The following CC2D2B variants were observed in gnomAD, a reference collection of about 807,000 sequenced individuals.
CC2D2B encodes protein CC2D2B.
CC2D2B carries 128 observed loss-of-function variants against 161.2 expected under a neutral mutation model. The observed-to-expected ratio is 0.79, with a 90% confidence interval of 0.69 to 0.92. The LOEUF (loss-of-function observed/expected upper bound fraction) is 0.92, where lower values mean the gene tolerates loss of function less well. Among genes scored for constraint, CC2D2B ranks in the 40% least tolerant of loss-of-function variants. The probability of loss-of-function intolerance (pLI) is 0.00; values close to 1 mark genes in which losing one functional copy is unlikely to be tolerated. For synonymous variants in CC2D2B, 391 were observed against 449.8 expected, an observed-to-expected ratio of 0.87 and a Z score of 1.65; for missense variants, 1,173 against 1,375.1, an observed-to-expected ratio of 0.85 and a Z score of 2.32.
At chr10:95,985,912 G>A (rs186833406) in intron 19 of CC2D2B, among the ~76,000 whole-genome samples, 158 of 152,208 alleles carry the variant, frequency 1.0e-3, no homozygotes, top group African/African-American at 3.6e-3. Flanking sequence ...CTCCCGTAGC[G>A]CTCCCAGGCT....
intron 6 of CC2D2B, among the ~76,000 whole-genome samples, chr10:95,928,111 G>A (rs542176159): frequency 1.3e-5 from 2 of 151,852 alleles, no homozygotes; most frequent in Non-Finnish European, 2.9e-5. Context: ...CCCCTGTCAA[G>A]TCCCTCTGGG....
Position 95,991,359 on chromosome 10 carries a change from A to AT in CC2D2B, c.2380-3dup, listed in dbSNP as rs936993684. The stretch of plus-strand genomic sequence containing the variant: ...CAATACATTTTTTATTAAATTCTAA[A>AT]TTTTTTTTAGGTGAGAAGGTTGATA... On this transcript the variant is annotated splice_polypyrimidine_tract_variant and intron_variant, in intron 20 of 34. Coordinates refer to ENST00000646931, the MANE Select transcript of CC2D2B (RefSeq NM_001349008.3). 36 of 925,108 alleles carry AT rather than the reference A, an allele frequency of 3.9e-5. No individual in the cohort carries two copies. Among genetic ancestry groups the AT allele is most frequent in the Non-Finnish European group, 4.5e-5 (32 of 708,208 alleles). The allele number at this position is 925,108 out of a possible 1,614,324, so 57.3% of individuals were successfully genotyped here.
intron 10 of CC2D2B, among the ~76,000 whole-genome samples, chr10:95,953,684 T>C (rs151008911): frequency 1.3e-5 from 2 of 152,322 alleles, no homozygotes; most frequent in East Asian, 3.9e-4. Flanking sequence ...GGAAAAGGCA[T>C]TACCTCATAT....
In CC2D2B at chr10:95,995,396, TATTG is replaced by T. The variant is rs1484327977; in HGVS notation, c.2739+35_2739+38del. On this transcript the variant is annotated intron_variant, in intron 23 of 34. Coordinates refer to ENST00000646931, the MANE Select transcript of CC2D2B (RefSeq NM_001349008.3). ...TATTTAACACTTCTATAAAGTATAATATTGATTATGTTTGTTCTGAATTACAATT... is the reference window on the plus strand; with the variant it reads ...TATTTAACACTTCTATAAAGTATAATATTATGTTTGTTCTGAATTACAATT... The T allele has an allele frequency of 4.7e-6, 5 of 1,064,098 alleles. No homozygotes were observed. The African/African-American group carries it at 4.9e-5, about 10-fold the overall frequency. The allele number at this position is 1,064,098 out of a possible 1,614,324, so 65.9% of individuals were successfully genotyped here. A position where few individuals can be genotyped will look rare whatever the true frequency, so the allele number is the denominator to read the frequency against.
chr10:95,962,099 A>G (rs1346078310), intron 12 of CC2D2B, 130 bp downstream of exon 12: 1 of 417,796 alleles, frequency 2.4e-6, no homozygotes, highest in Non-Finnish European at 3.9e-6. Flanking sequence ...AAGAATTTGT[A>G]TCTTAAATAC....
intron 2 of CC2D2B, chr10:95,921,185 T>A (rs1401525664): frequency 3.3e-5 from 5 of 152,358 alleles, no homozygotes; most frequent in Non-Finnish European, 7.3e-5. Context: ...GGAAGTCAGG[T>A]TCTGACTGCT....
rs2077811862 is a variant in CC2D2B at position 95,988,352 on chromosome 10, C to T, written c.2379+10C>T. On this transcript the variant is annotated intron_variant, in intron 20 of 34. Coordinates refer to ENST00000646931, the MANE Select transcript of CC2D2B (RefSeq NM_001349008.3). ...CAATTTTCTGAAAAAGGTAACAACA[C>T]AGTATTATCAATATATTTGCATTTG... The T allele has an allele frequency of 1.7e-6, 2 of 1,144,568 alleles. No individual in the cohort carries two copies. Among genetic ancestry groups the T allele is most frequent in the South Asian group, 4.4e-5 (1 of 22,802 alleles). The allele number at this position is 1,144,568 out of a possible 1,614,324, so 70.9% of individuals were successfully genotyped here.
In CC2D2B at chr10:96,013,808, A is replaced by G. The variant is rs984283532; in HGVS notation, c.3447A>G (p.Val1149=). ...TCTAGGACCTCATTGCTCGATTTGT[A>G]TCTTTGATTCCTTTTGTGCCTAATA... ...NATFDLIARF[V]SLIPFVPNTP... is the part of the protein sequence containing the mutation. Residue 1149 remains valine (V), a synonymous_variant, in exon 29 of 35, where the codon GTA becomes GTG. Coordinates refer to ENST00000646931, the MANE Select transcript of CC2D2B (RefSeq NM_001349008.3). 2 of 1,603,082 alleles carry G rather than the reference A, an allele frequency of 1.2e-6. No individual in the cohort carries two copies. Among genetic ancestry groups the G allele is most frequent in the African/African-American group, 2.7e-5 (2 of 74,516 alleles).
Position 95,924,787 on chromosome 10 carries a change from A to C in CC2D2B, c.183A>C (p.Lys61Asn), listed in dbSNP as rs769192548. The part of the protein sequence containing the change: ...REKLKISKIN[K>N]GEKSSTEQLI... Reference sequence around the variant, plus strand: ...TTTATGTTGTGTTTCAGATTAATAAAGGTGAAAAATCTTCAACTGAGCAGC... The same window carrying C: ...TTTATGTTGTGTTTCAGATTAATAACGGTGAAAAATCTTCAACTGAGCAGC... Residue 61 changes from lysine (K) to asparagine (N), a missense_variant, in exon 5 of 35, where the codon AAA (lysine) becomes AAC (asparagine). Physicochemically the swap from Lys to Asn is moderately conservative, Grantham distance 94 (BLOSUM62 0). Transcript: ENST00000646931. 26 of 1,534,886 alleles carry C rather than the reference A, an allele frequency of 1.7e-5. No homozygotes were observed. Among genetic ancestry groups the C allele is most frequent in the Middle Eastern group, 1.7e-4 (1 of 5,972 alleles).
In CC2D2B at chr10:96,031,877, G is replaced by A. The variant is rs368887497; in HGVS notation, c.4183G>A (p.Val1395Ile). Residue 1395 changes from valine (V) to isoleucine (I), a missense_variant, in exon 35 of 35, where the codon GTT becomes ATT. Val to Ile is a conservative substitution (Grantham distance 29). Around this residue, in one of 3 missense-constraint regions of CC2D2B, gnomAD observed 598 missense variants for 693.2 expected, o/e 0.86. Transcript: ENST00000646931. Reference protein sequence around the residue: ...YIDVQSIIDAVYQTGIHSAEF... With the variant: ...YIDVQSIIDAIYQTGIHSAEF... The stretch of plus-strand genomic sequence containing the variant: ...TGATGTACAGTCAATTATTGATGCT[G>A]TTTATCAAACTGGAATTCACTCTGC... The A allele has an allele frequency of 5.6e-6, 9 of 1,613,790 alleles. No individual in the cohort carries two copies.
chr10:96,009,494 T>G (rs973539430), intron 25 of CC2D2B, among the ~76,000 whole-genome samples: 4 of 152,188 alleles, frequency 2.6e-5, no homozygotes, highest in Admixed American at 6.6e-5. Context: ...CTGTACATAA[T>G]ACAGTACCAC....
chr10:95,999,818 C>T, intron 24 of CC2D2B: 1 of 435,030 alleles, frequency 2.3e-6, no homozygotes. Context: ...AGCTCAGGCT[C>T]CTTCCCATTG....
chr10:96,001,029 A>G (rs1363960133), intron 24 of CC2D2B, among the ~76,000 whole-genome samples: 2 of 152,210 alleles, frequency 1.3e-5, no homozygotes, highest in Admixed American at 1.3e-4. Flanking sequence ...TTTAAATCCA[A>G]AAAGAAATAT....
chr10:96,019,787 CA>C lies in CC2D2B; in HGVS notation c.3857del (p.Asn1286ThrfsTer15). 1.2e-6 allele frequency: 2 copies of C among 1,604,034 alleles called. No individual in the cohort carries two copies. Among genetic ancestry groups the C allele is most frequent in the Admixed American group, 1.7e-5 (1 of 57,328 alleles). ...GAAAGTTTCTGGAAGCAGTTGCTTCCAAAAAACGTTCAAGGAACAAAAATAC... is the reference window on the plus strand; with the variant it reads ...GAAAGTTTCTGGAAGCAGTTGCTTCCAAAAACGTTCAAGGAACAAAAATAC... The part of the protein sequence containing the change: ...SKESFWKQLL[P>X]KNVQGTKIQS... On this transcript the variant is annotated frameshift_variant, in exon 32 of 35. Coordinates refer to ENST00000646931, the MANE Select transcript of CC2D2B (RefSeq NM_001349008.3). LOFTEE classifies it high-confidence loss of function.
chr10:95,965,782 GTT>G, intron 12 of CC2D2B, 112 bp from the exon 13 acceptor site: 3 of 346,208 alleles, frequency 8.7e-6, no homozygotes, highest in Non-Finnish European at 1.5e-5. Context: ...TAAGAGATTG[GTT>G]TTGTGTGTGT....
Position 96,032,519 on chromosome 10 carries a change from T to C in CC2D2B, c.*511T>C, listed in dbSNP as rs928054790. On this transcript the variant is annotated 3_prime_UTR_variant, in exon 35 of 35. Transcript: ENST00000646931. ...TGTTATGAGGGAGAGCCCAGCCTTA[T>C]AGAATGTTGTCACTACTAAACTAAG... 2.6e-5 allele frequency: 7 copies of C among 268,602 alleles called. No individual in the cohort carries two copies. In the East Asian group the frequency reaches 4.4e-4, roughly 17 times the overall value. The allele number at this position is 268,602 out of a possible 1,614,324, so 16.6% of individuals were successfully genotyped here.
At chr10:96,026,981 C>T (rs567762559) in intron 33 of CC2D2B, among the ~76,000 whole-genome samples, 13 of 152,042 alleles carry the variant, frequency 8.6e-5, no homozygotes, top group Non-Finnish European at 1.5e-4. Context: ...AAATTAGCCA[C>T]GTGTGGTGGC....
intron 9 of CC2D2B, among the ~76,000 whole-genome samples, chr10:95,940,135 G>A (rs2075971873): frequency 6.6e-6 from 1 of 152,234 alleles, no homozygotes; most frequent in East Asian, 1.9e-4. Flanking sequence ...CACGAGGCTA[G>A]AGTAGGAAGA....
chr10:96,002,892 G>T (rs904693340), intron 24 of CC2D2B, among the ~76,000 whole-genome samples: 2 of 151,736 alleles, frequency 1.3e-5, no homozygotes, highest in African/African-American at 4.8e-5. Context: ...TGTTAGAACC[G>T]GGTCCAGCCA....
Sources: gnomAD v4.1 joint callset for allele counts (sites outside exome capture counted in the v4.1 genomes callset) on GRCh38, gnomAD v4.1.1 for gene constraint, gnomAD v4.1.1 regional missense constraint, MANE v1.5 for transcripts, NCBI Gene and HGNC (gene_info 2026-07-23, HGNC 2026-07-21) for gene names.